Variants in NBPF20 observed in about 807,000 individuals in gnomAD.
The protein encoded by NBPF20 is NBPF family member NBPF20.
A neutral mutation model predicts 68.1 loss-of-function variants in NBPF20; 90 were observed. That is an observed-to-expected ratio of 1.32 (90% CI 1.11 to 1.58). NBPF20 has a LOEUF of 1.58. Ranked by LOEUF, NBPF20 falls within the 40% of genes most tolerant of loss-of-function variation. The probability of loss-of-function intolerance (pLI) is 0.00; values close to 1 mark genes in which losing one functional copy is unlikely to be tolerated. For synonymous variants in NBPF20, 290 were observed against 228.1 expected (o/e 1.27, Z -2.45); for missense variants, 816 against 601.2 (o/e 1.36, Z -3.74).
chr1:145,311,015 A>G (rs1661462977), intron 113 of NBPF20, among the ~76,000 whole-genome samples, 185 bp from the exon 119 acceptor site: 1 of 83,348 alleles, frequency 1.2e-5, no homozygotes, highest in Non-Finnish European at 2.2e-5. Context: ...AATGAAAGAG[A>G]AAGACAGGGA....
chr1:145,291,500 A>C (rs782658022), exon 138 of NBPF20: 2 of 1,612,024 alleles, frequency 1.2e-6, no homozygotes, highest in South Asian at 1.1e-5. Flanking sequence ...TGCAGGAATG[A>C]CATCTCTCGG....
At chr1:145,407,586 T>A (rs1169203574), upstream of NBPF20, among the ~76,000 whole-genome samples, 6 of 146,958 alleles carry the variant, frequency 4.1e-5, no homozygotes, top group Non-Finnish European at 9.0e-5. Context: ...TATATATATA[T>A]TATATATATA....
At chr1:145,291,339 C>T (rs1174951608) in exon 138 of NBPF20, 12 of 1,051,944 alleles carry the variant, frequency 1.1e-5, no homozygotes, top group East Asian at 9.6e-5. Context: ...TCACACCTAA[C>T]GTGGGTCCAT....
At chr1:145,394,909 G>T in intron 8 of NBPF20, 69 bp downstream of exon 13, 3 of 1,551,614 alleles carry the variant, frequency 1.9e-6, no homozygotes, top group South Asian at 1.1e-5. Flanking sequence ...GGGGCACAAG[G>T]CCCAAAGATT....
rs370636208 is a variant in NBPF20, at chr1:145,291,491, G to A, written c.*35C>T. Reference sequence around the variant, plus strand: ...CTTCACGTGCCTATAGGTCCTGCCTGCAGGAATGACATCTCTCGGCTTAGT... The same window carrying A: ...CTTCACGTGCCTATAGGTCCTGCCTACAGGAATGACATCTCTCGGCTTAGT... On this transcript the variant is annotated 3_prime_UTR_variant, in exon 138 of 138. Coordinates refer to ENST00000369373, the Ensembl canonical transcript of NBPF20. The A allele has an allele frequency of 8.4e-4, 1,358 of 1,611,978 alleles. 11 individuals are homozygous for A. The African/African-American group carries it at 0.016, about 19-fold the overall frequency.
chr1:145,402,776 G>T (rs1662584339), intron 3 of NBPF20, among the ~76,000 whole-genome samples: 1 of 149,662 alleles, frequency 6.7e-6, no homozygotes, highest in African/African-American at 2.5e-5. Context: ...GTGCAGATGG[G>T]GCGAATTGAA....
Position 145,292,599 on chromosome 1 carries a change from A to G in NBPF20, c.16589-110T>C, listed in dbSNP as rs1553658396. 1.3e-5 allele frequency: 10 copies of G among 747,900 alleles called. 1 individual carries two copies. 46.3% of individuals were successfully genotyped at this position (747,900 alleles called of 1,614,324 possible). A position where few individuals can be genotyped will look rare whatever the true frequency, so the allele number is the denominator to read the frequency against. ...ACCTCAGGCTCCCCAGCATAAGAATAGGACACTTTGAGAGATATATTTCAG... is the reference window on the plus strand; with the variant it reads ...ACCTCAGGCTCCCCAGCATAAGAATGGGACACTTTGAGAGATATATTTCAG... On this transcript the variant is annotated intron_variant, in intron 136 of 137. Transcript: ENST00000369373.
chr1:145,394,544 G>A (rs1312792716), intron 8 of NBPF20, among the ~76,000 whole-genome samples: 21 of 152,036 alleles, frequency 1.4e-4, no homozygotes, highest in Admixed American at 7.9e-4. Context: ...TTCACTGAGA[G>A]GTAGACAAGG....
chr1:145,335,040 A>G (rs1661569084), intron 83 of NBPF20, among the ~76,000 whole-genome samples: 1 of 63,622 alleles, frequency 1.6e-5, no homozygotes, highest in Non-Finnish European at 3.6e-5. Flanking sequence ...AGGTATGGTC[A>G]ACCTATAGTA....
chr1:145,377,932 G>C (rs1423164194), intron 29 of NBPF20, 111 bp downstream of exon 34: 1 of 399,200 alleles, frequency 2.5e-6, no homozygotes, highest in South Asian at 2.3e-5. Flanking sequence ...GTCAGGAGGA[G>C]TAATTCAACC....
chr1:145,409,718 A>T (rs1475548601), upstream of NBPF20, among the ~76,000 whole-genome samples: 4 of 151,638 alleles, frequency 2.6e-5, no homozygotes, highest in African/African-American at 9.7e-5. Flanking sequence ...AGATTAACTG[A>T]ATTTAACTGA....
At chr1:145,309,546 G>C (rs1346579977) in intron 115 of NBPF20, among the ~76,000 whole-genome samples, 1 of 63,844 alleles carries the variant, frequency 1.6e-5, no homozygotes, top group Non-Finnish European at 2.9e-5. Context: ...ACACTGATGA[G>C]GGAGTAACAG....
chr1:145,415,927 T>TA, the NBPF20 span, among the ~76,000 whole-genome samples: 1 of 144,376 alleles, frequency 6.9e-6, no homozygotes, highest in African/African-American at 2.5e-5. Context: ...GGTCAAGAGT[T>TA]AGAGACCAAC....
At chr1:145,408,932 G>A (rs1203204137), upstream of NBPF20, among the ~76,000 whole-genome samples, 11 of 149,930 alleles carry the variant, frequency 7.3e-5, no homozygotes, top group East Asian at 3.9e-4. Flanking sequence ...GCATAATTTC[G>A]GTACAACAGA....
In NBPF20 at chr1:145,292,422, TC is replaced by T. The variant is rs1242238455; in HGVS notation, c.16655del (p.Gly5552GlufsTer20). The stretch of plus-strand genomic sequence containing the variant: ...TTTGATCTTCTTCCCCTTCTTTTCT[TC>T]CCCTTCTTCTTTTCTTCTTTGATCT... On this transcript the variant is annotated frameshift_variant, in exon 137 of 138. Transcript: ENST00000369373. LOFTEE classifies it high-confidence loss of function. The T allele has an allele frequency of 1.0e-5, 7 of 696,976 alleles. No individual in the cohort carries two copies. The African/African-American group carries it at 1.4e-4, about 14-fold the overall frequency. The allele number at this position is 696,976 out of a possible 1,614,324, so 43.2% of individuals were successfully genotyped here.
intron 8 of NBPF20, among the ~76,000 whole-genome samples, chr1:145,394,180 G>T (rs1329621137): frequency 1.3e-5 from 2 of 152,090 alleles, no homozygotes; most frequent in Non-Finnish European, 2.9e-5. Flanking sequence ...TCTGTCCTAG[G>T]CTTCTGTACA....
At chr1:145,398,105 A>T (rs1571368208) in intron 7 of NBPF20, among the ~76,000 whole-genome samples, 2 of 152,264 alleles carry the variant, frequency 1.3e-5, no homozygotes, top group East Asian at 3.9e-4. Flanking sequence ...ACCTACAAAG[A>T]GATTTAGACT....
rs370259133 is a variant in NBPF20 at position 145,393,458 on chromosome 1, A to AACACACAC, written c.1044-220_1044-213dup. ...AGACACACACTCACACACACACACA[A>AACACACAC]ACACACACACACACACACACACACA... On this transcript the variant is annotated intron_variant, in intron 9 of 137. Coordinates refer to ENST00000369373, the Ensembl canonical transcript of NBPF20. Among the ~76,000 whole-genome samples, 322 of 145,260 alleles carry AACACACAC rather than the reference A, an allele frequency of 2.2e-3. 1 individual carries two copies. The highest frequency in any genetic ancestry group is 3.2e-3 in the African/African-American group (127 of 39,092).
At chr1:145,292,106 C>A (rs1263943276) in intron 137 of NBPF20, among the ~76,000 whole-genome samples, 1 of 149,526 alleles carries the variant, frequency 6.7e-6, no homozygotes, top group South Asian at 2.1e-4. Context: ...AAAGAGTGAG[C>A]TCAATAGTTT....
Sources: gnomAD v4.1 joint callset for allele counts (sites outside exome capture counted in the v4.1 genomes callset) on GRCh38, gnomAD v4.1.1 for gene constraint, MANE v1.5 for transcripts, NCBI Gene and HGNC (gene_info 2026-07-23, HGNC 2026-07-21) for gene names.